Variants in UNC5D observed in about 807,000 individuals in gnomAD.
The protein encoded by UNC5D is unc-5 netrin receptor D.
A neutral mutation model predicts 105.4 loss-of-function variants in UNC5D; 39 were observed. That is an observed-to-expected ratio of 0.37 (90% CI 0.29 to 0.48). UNC5D has a LOEUF of 0.48. Among genes scored for constraint, UNC5D ranks in the 20% least tolerant of loss-of-function variants. The pLI, the probability that UNC5D is intolerant of heterozygous loss-of-function variation, is 0.98. For missense variants in UNC5D, 991 were observed against 1,202.4 expected (o/e 0.82, Z 2.60); for synonymous variants, 452 against 450.4 (o/e 1.00, Z -0.04).
At chr8:35,451,018 C>T (rs1375105383) in intron 1 of UNC5D, among the ~76,000 whole-genome samples, 4 of 149,174 alleles carry the variant, frequency 2.7e-5, no homozygotes, top group Admixed American at 6.7e-5. Flanking sequence ...TATCATAAAT[C>T]GAGGAGCATC....
intron 3 of UNC5D, among the ~76,000 whole-genome samples, chr8:35,579,903 C>T (rs150613123): frequency 2.0e-5 from 3 of 152,296 alleles, no homozygotes; most frequent in Admixed American, 6.5e-5. Flanking sequence ...CTCAAGGAAG[C>T]TTTGCACCAA....
At chr8:35,510,074 C>T (rs201126567) in intron 1 of UNC5D, among the ~76,000 whole-genome samples, 1 of 152,084 alleles carries the variant, frequency 6.6e-6, no homozygotes, top group African/African-American at 2.4e-5. Context: ...CTACCAGAAT[C>T]CAGTCCTTTG....
chr8:35,361,404 C>A (rs949250058), intron 1 of UNC5D, among the ~76,000 whole-genome samples: 18 of 152,058 alleles, frequency 1.2e-4, no homozygotes, highest in African/African-American at 4.3e-4. Context: ...AGCAATGTGA[C>A]CTTATGTTAA....
At chr8:35,571,130 C>T (rs1817693327) in intron 3 of UNC5D, among the ~76,000 whole-genome samples, 1 of 152,158 alleles carries the variant, frequency 6.6e-6, no homozygotes, top group Admixed American at 6.6e-5. Context: ...GGATTACAGG[C>T]ATGAACGACT....
At chr8:35,240,770 A>C (rs532191473) in intron 1 of UNC5D, among the ~76,000 whole-genome samples, 92 of 152,338 alleles carry the variant, frequency 6.0e-4, no homozygotes, top group African/African-American at 2.0e-3. Flanking sequence ...TACTATCAAG[A>C]GGCATAGAGG....
intron 4 of UNC5D, among the ~76,000 whole-genome samples, chr8:35,610,007 G>A (rs1210220401): frequency 6.6e-6 from 1 of 152,058 alleles, no homozygotes; most frequent in Non-Finnish European, 1.5e-5. Flanking sequence ...TCATTTATCT[G>A]ACCAGAAAAG....
At chr8:35,466,859 A>G (rs1380332099) in intron 1 of UNC5D, among the ~76,000 whole-genome samples, 1 of 152,214 alleles carries the variant, frequency 6.6e-6, no homozygotes, top group African/African-American at 2.4e-5. Context: ...AGTATAGGCC[A>G]ATGGTGGATT....
chr8:35,403,025 G>A (rs1804572353), intron 1 of UNC5D, among the ~76,000 whole-genome samples: 1 of 152,146 alleles, frequency 6.6e-6, no homozygotes, highest in Admixed American at 6.5e-5. Flanking sequence ...TTACAAGATG[G>A]ACACTATCAG....
At chr8:35,317,323 T>C (rs1203829780) in intron 1 of UNC5D, among the ~76,000 whole-genome samples, 1 of 151,956 alleles carries the variant, frequency 6.6e-6, no homozygotes, top group African/African-American at 2.4e-5. Flanking sequence ...TCTCAAAGAG[T>C]TAAATTGGTT....
intron 10 of UNC5D, among the ~76,000 whole-genome samples, chr8:35,729,091 T>C (rs1016019652): frequency 3.3e-5 from 5 of 152,180 alleles, no homozygotes; most frequent in African/African-American, 9.7e-5. Context: ...CCATTTCTGA[T>C]TGAAGAGAGA....
At chr8:35,240,792 C>T (rs1802757212) in intron 1 of UNC5D, among the ~76,000 whole-genome samples, 2 of 152,068 alleles carry the variant, frequency 1.3e-5, no homozygotes, top group Admixed American at 6.5e-5. Flanking sequence ...ATTTAGAGTA[C>T]CTTAAATAAG....
At chr8:35,721,262 T>C (rs899404911) in intron 8 of UNC5D, among the ~76,000 whole-genome samples, 4 of 152,058 alleles carry the variant, frequency 2.6e-5, no homozygotes, top group African/African-American at 7.2e-5. Flanking sequence ...TTGAGACTTA[T>C]ATTATCTCAG....
At chr8:35,556,151 G>A (rs1055892106) in intron 2 of UNC5D, among the ~76,000 whole-genome samples, 29 of 152,098 alleles carry the variant, frequency 1.9e-4, no homozygotes, top group African/African-American at 6.5e-4. Context: ...CTAGTGTACA[G>A]CAATTGCTCA....
chr8:35,563,091 T>A (rs547157267), intron 2 of UNC5D, among the ~76,000 whole-genome samples: 192 of 151,850 alleles, frequency 1.3e-3, no homozygotes, highest in African/African-American at 4.5e-3. Context: ...CCATTCAGAG[T>A]TTTTTATGGG....
chr8:35,693,181 G>T (rs941283563), intron 7 of UNC5D, among the ~76,000 whole-genome samples: 1 of 152,178 alleles, frequency 6.6e-6, no homozygotes, highest in African/African-American at 2.4e-5. Flanking sequence ...ACGTGTCTTC[G>T]TGAAGGCTTT....
At chr8:35,448,154 A>G (rs1414888015) in intron 1 of UNC5D, among the ~76,000 whole-genome samples, 2 of 152,068 alleles carry the variant, frequency 1.3e-5, no homozygotes, top group Non-Finnish European at 2.9e-5. Context: ...TATATATTCT[A>G]TTCATACTTC....
intron 1 of UNC5D, among the ~76,000 whole-genome samples, chr8:35,429,185 T>C (rs1265338759): frequency 6.6e-6 from 1 of 152,184 alleles, no homozygotes; most frequent in Non-Finnish European, 1.5e-5. Flanking sequence ...TTTTATCCCT[T>C]TCTTCTTTGA....
chr8:35,623,929 A>C (rs1467251623), intron 4 of UNC5D, among the ~76,000 whole-genome samples: 4 of 152,028 alleles, frequency 2.6e-5, no homozygotes, highest in Non-Finnish European at 4.4e-5. Flanking sequence ...AGATACAAAA[A>C]ATTAGCCGGA....
chr8:35,470,699 A>G (rs145878788), intron 1 of UNC5D, among the ~76,000 whole-genome samples: 3,048 of 150,926 alleles, frequency 0.02, 109 homozygotes, highest in African/African-American at 0.07. Context: ...AGCCCAGGAG[A>G]TTGAGGCTGC....
Sources: gnomAD v4.1 joint callset for allele counts (sites outside exome capture counted in the v4.1 genomes callset) on GRCh38, gnomAD v4.1.1 for gene constraint, MANE v1.5 for transcripts, NCBI Gene and HGNC (gene_info 2026-07-23, HGNC 2026-07-21) for gene names.